Variants in CEP135 observed in about 807,000 individuals in gnomAD.
The protein encoded by CEP135 is centrosomal protein 135.
CEP135 carries 142 observed loss-of-function variants against 157.3 expected under a neutral mutation model. The ratio of observed to expected loss-of-function variants is 0.90; its 90% CI spans 0.79 to 1.04. The LOEUF is 1.04. CEP135 is among the 50% of genes least tolerant of loss of function. The probability of loss-of-function intolerance (pLI) is 0.00; values close to 1 mark genes in which losing one functional copy is unlikely to be tolerated. For synonymous variants in CEP135, 396 were observed against 439.8 expected (o/e 0.90, Z 1.25); for missense variants, 1,317 against 1,309.2 (o/e 1.01, Z -0.09).
rs1330724596 is a variant in CEP135 at position 55,957,241 on chromosome 4, T to C, written c.491T>C (p.Ile164Thr). ...VQTPGGKKRS[I>T]AFRRQRMQID... is the part of the protein sequence containing the mutation. The stretch of plus-strand genomic sequence containing the variant: ...TTTTTAGGTGGCAAGAAAAGAAGTA[T>C]TGCTTTCAGGCGCCAGCGTATGCAA... The change falls in exon 5 of 26, where the codon ATT (isoleucine) becomes ACT (threonine). Residue 164 changes from isoleucine to threonine, a missense_variant. Physicochemically the swap from Ile to Thr is moderately conservative, Grantham distance 89. Coordinates refer to ENST00000257287, the MANE Select transcript of CEP135 (RefSeq NM_025009.5). The C allele has an allele frequency of 6.2e-7, 1 of 1,613,688 alleles. No individual in the cohort carries two copies. The highest frequency in any genetic ancestry group is 1.7e-5 in the Admixed American group (1 of 59,872).
intron 11 of CEP135, among the ~76,000 whole-genome samples, chr4:55,975,216 A>G (rs533126295): frequency 6.6e-6 from 1 of 152,356 alleles, no homozygotes; most frequent in Non-Finnish European, 1.5e-5. Context: ...GTAGAAGTGC[A>G]GTGGCACCTG....
At chr4:56,007,961 T>A (rs557572796) in intron 17 of CEP135, among the ~76,000 whole-genome samples, 1 of 152,338 alleles carries the variant, frequency 6.6e-6, no homozygotes, top group South Asian at 2.1e-4. Context: ...CCCAGAAGTT[T>A]CCCAAATATG....
At chr4:55,992,222 A>G in intron 15 of CEP135, 137 bp downstream of exon 15, 1 of 677,262 alleles carries the variant, frequency 1.5e-6, no homozygotes, top group Non-Finnish European at 2.3e-6. Context: ...CTCACCTGGG[A>G]GCTTTTGAAA....
intron 6 of CEP135, among the ~76,000 whole-genome samples, chr4:55,962,062 CGTACTTCTATT>C (rs1254157756): frequency 6.6e-6 from 1 of 152,012 alleles, no homozygotes; most frequent in Non-Finnish European, 1.5e-5. Flanking sequence ...CCTGTGAAGA[CGTACTTCTATT>C]GTCATAGCTA....
rs1731426079 is a variant in CEP135, at chr4:56,033,351, T to C, written c.*2003T>C. The C allele has an allele frequency of 1.3e-5, 2 of 152,136 alleles. No homozygotes were observed. The highest frequency in any genetic ancestry group is 4.8e-5 in the African/African-American group (2 of 41,440). The allele number at this position is 152,136 out of a possible 1,614,324, so 9.4% of individuals were successfully genotyped here. A position where few individuals can be genotyped will look rare whatever the true frequency, so the allele number is the denominator to read the frequency against. ...GCTTGACCTAGATTTGCCAATAAACTTTCTAGCCTATTTATTTTCTCTTTC... is the reference window on the plus strand; with the variant it reads ...GCTTGACCTAGATTTGCCAATAAACCTTCTAGCCTATTTATTTTCTCTTTC... On this transcript the variant is annotated 3_prime_UTR_variant, in exon 26 of 26. Coordinates refer to ENST00000257287, the MANE Select transcript of CEP135 (RefSeq NM_025009.5).
intron 22 of CEP135, 24 bp downstream of exon 22, chr4:56,017,881 C>T (rs1730835440): frequency 6.3e-7 from 1 of 1,590,904 alleles, no homozygotes; most frequent in Non-Finnish European, 8.6e-7. Flanking sequence ...ATTGTCTTGG[C>T]ACATTGTTTT....
intron 5 of CEP135, among the ~76,000 whole-genome samples, 157 bp downstream of exon 5, chr4:55,957,521 T>C (rs376270991): frequency 6.6e-6 from 1 of 152,234 alleles, no homozygotes; most frequent in Non-Finnish European, 1.5e-5. Flanking sequence ...CAGATTGATA[T>C]AAAATGTTTT....
intron 6 of CEP135, among the ~76,000 whole-genome samples, chr4:55,963,756 AG>A (rs1728755991): frequency 6.6e-6 from 1 of 152,194 alleles, no homozygotes; most frequent in African/African-American, 2.4e-5. Context: ...AAAAAGAAAA[AG>A]AAAAAGCCAA....
chr4:55,961,101 CAAAAAA>C (rs59483327), intron 6 of CEP135, among the ~76,000 whole-genome samples: 1 of 69,998 alleles, frequency 1.4e-5, no homozygotes, highest in Non-Finnish European at 3.1e-5. Flanking sequence ...GACTCTGTCT[CAAAAAA>C]AAAAAAAAAA....
Position 55,952,244 on chromosome 4 carries a change from G to C in CEP135, c.113+1G>C. On this transcript the variant is annotated splice_donor_variant, in intron 2 of 25. Transcript: ENST00000257287. LOFTEE classifies it high-confidence loss of function. ...TACCTTTGGTAGAAAAACTTTTCAG[G>C]TAAAGACAAAAATACAGTTTTCAAC... The C allele has an allele frequency of 6.4e-7, 1 of 1,571,154 alleles. No individual in the cohort carries two copies. The highest frequency in any genetic ancestry group is 8.8e-7 in the Non-Finnish European group (1 of 1,141,240).
intron 3 of CEP135, among the ~76,000 whole-genome samples, 153 bp downstream of exon 3, chr4:55,953,428 G>A (rs1728419465): frequency 6.6e-6 from 1 of 152,136 alleles, no homozygotes; most frequent in South Asian, 2.1e-4. Context: ...CTACTCGGGA[G>A]TTTAAGGTGG....
At chr4:56,019,221 A>C (rs547523251) in intron 22 of CEP135, 132 bp from the exon 23 acceptor site, 7 of 662,464 alleles carry the variant, frequency 1.1e-5, no homozygotes, top group African/African-American at 9.1e-5. Context: ...ACAGTTCATA[A>C]TCTTTAACCC....
In CEP135 at chr4:55,971,464, TG is replaced by T. The variant is rs1420274918; in HGVS notation, c.1249+57del. The T allele has an allele frequency of 4.7e-6, 7 of 1,491,900 alleles. No homozygotes were observed. In the East Asian group the frequency reaches 1.4e-4, roughly 30 times the overall value. 92.4% of individuals were successfully genotyped at this position (1,491,900 alleles called of 1,614,324 possible). ...TGATTGTGATTTCCTCTTGATGTAT[TG>T]TTTTTCTTAGTAGATATTCATTCAT... On this transcript the variant is annotated intron_variant, in intron 10 of 25. Transcript: ENST00000257287.
intron 11 of CEP135, among the ~76,000 whole-genome samples, 163 bp from the exon 12 acceptor site, chr4:55,979,980 C>T (rs886090451): frequency 6.6e-6 from 1 of 152,176 alleles, no homozygotes; most frequent in Non-Finnish European, 1.5e-5. Context: ...TGCCAGTGCT[C>T]TCATCTGCTC....
intron 1 of CEP135, 90 bp from the exon 2 acceptor site, chr4:55,951,996 T>G: frequency 2.0e-6 from 1 of 498,392 alleles, no homozygotes; most frequent in Non-Finnish European, 3.6e-6. Flanking sequence ...CAAAAAATAA[T>G]TGCTTCATAT....
At chr4:56,009,318 A>G (rs1212511899) in intron 18 of CEP135, among the ~76,000 whole-genome samples, 2 of 151,168 alleles carry the variant, frequency 1.3e-5, no homozygotes, top group Non-Finnish European at 2.9e-5. Context: ...CCGCCACCAC[A>G]CCCGGCTATT....
At chr4:55,967,565 C>T (rs1728881522) in intron 8 of CEP135, among the ~76,000 whole-genome samples, 2 of 152,150 alleles carry the variant, frequency 1.3e-5, no homozygotes, top group Admixed American at 1.3e-4. Flanking sequence ...TTAGGTAGAT[C>T]ATTTTTAAGA....
At chr4:55,983,504 ACCAG>A (rs1729477819) in intron 13 of CEP135, among the ~76,000 whole-genome samples, 1 of 152,106 alleles carries the variant, frequency 6.6e-6, no homozygotes. Flanking sequence ...TCTCTCAATC[ACCAG>A]GTCCTATCAG....
Position 55,953,184 on chromosome 4 carries a change from T to A in CEP135, c.213T>A (p.Tyr71Ter). The A allele has an allele frequency of 6.2e-7, 1 of 1,607,194 alleles. No individual in the cohort carries two copies. Residue 71 changes from tyrosine to a stop codon, truncating the protein, a stop_gained, in exon 3 of 26, where the codon TAT (tyrosine) becomes TAA (stop). Coordinates refer to ENST00000257287, the MANE Select transcript of CEP135 (RefSeq NM_025009.5). LOFTEE classifies it high-confidence loss of function. Reference protein sequence around the residue: ...SANFDFVLEPYKLENARLSRE... With the variant: ...SANFDFVLEP The stretch of plus-strand genomic sequence containing the variant: ...ATTTTGATTTTGTTTTGGAACCCTA[T>A]AAACTTGAAAATGCAAGATTGAGTA...
Sources: gnomAD v4.1 joint callset for allele counts (sites outside exome capture counted in the v4.1 genomes callset) on GRCh38, gnomAD v4.1.1 for gene constraint, MANE v1.5 for transcripts, NCBI Gene and HGNC (gene_info 2026-07-23, HGNC 2026-07-21) for gene names.